The following SKOR2 variants were observed in gnomAD, a reference collection of about 807,000 sequenced individuals.
SKOR2 encodes LBX1 corepressor 1-like protein.
A neutral mutation model predicts 69.1 loss-of-function variants in SKOR2; 47 were observed. That is an observed-to-expected ratio of 0.68 (90% confidence interval 0.54 to 0.87). SKOR2 has a LOEUF of 0.87. Ranked by LOEUF, SKOR2 falls within the 40% of genes least tolerant of loss-of-function variation. The probability of loss-of-function intolerance (pLI) is 0.00; values close to 1 mark genes in which losing one functional copy is unlikely to be tolerated. For synonymous variants in SKOR2, 717 were observed against 672.6 expected, an observed-to-expected ratio of 1.07 and a Z score of -1.02; for missense variants, 1,404 against 1,472.2, an observed-to-expected ratio of 0.95 and a Z score of 0.76.
chr18:47,244,284 C>A (rs963825504), intron 4 of SKOR2, among the ~76,000 whole-genome samples: 1 of 152,128 alleles, frequency 6.6e-6, no homozygotes, highest in Non-Finnish European at 1.5e-5. Flanking sequence ...GTCAATTAAC[C>A]GTGAATAGTC....
At chr18:47,221,469 A>G (rs2064161193) in intron 6 of SKOR2, among the ~76,000 whole-genome samples, 1 of 152,200 alleles carries the variant, frequency 6.6e-6, no homozygotes, top group African/African-American at 2.4e-5. Context: ...GAGGGCACGG[A>G]GGAAATCCCC....
Position 47,248,293 on chromosome 18 carries a change from C to T in SKOR2, c.891G>A (p.Glu297=). Residue 297 remains glutamate (E), a synonymous_variant, in exon 2 of 9, where the codon GAG becomes GAA. Transcript: ENST00000425639. This position sits in a 1 kb window ranked among gnomAD's most constrained non-coding sequence, Gnocchi z 6.4. ...GATGGGCGTGCGGGGCACCAGCCAG[C>T]TCTGCCAAGGGCGGCGGTGGCGGCG... The part of the protein sequence containing the change: ...PPPPPPPPLA[E]LAGAPHAHHK... 8.3e-7 allele frequency: 1 copy of T among 1,212,102 alleles called. No individual in the cohort carries two copies. Among genetic ancestry groups the T allele is most frequent in the Non-Finnish European group, 1.0e-6 (1 of 977,862 alleles). 75.1% of individuals were successfully genotyped at this position (1,212,102 alleles called of 1,614,324 possible). A position where few individuals can be genotyped will look rare whatever the true frequency, so the allele number is the denominator to read the frequency against.
At chr18:47,237,312 C>A (rs1362612901) in intron 4 of SKOR2, among the ~76,000 whole-genome samples, 1 of 152,170 alleles carries the variant, frequency 6.6e-6, no homozygotes, top group South Asian at 2.1e-4. Context: ...CAGGAACAAA[C>A]AAAACCACAG....
At chr18:47,219,863 T>C (rs1378643712) in intron 7 of SKOR2, 80 bp downstream of exon 7, 93 of 1,277,970 alleles carry the variant, frequency 7.3e-5, no homozygotes, top group Middle Eastern at 5.5e-4. Flanking sequence ...TGCAAAAACG[T>C]GAACAGTTTC....
At chr18:47,228,623 G>C (rs1249811211) in intron 6 of SKOR2, among the ~76,000 whole-genome samples, 1 of 152,166 alleles carries the variant, frequency 6.6e-6, no homozygotes, top group Admixed American at 6.5e-5. Context: ...TCTAAAAGCA[G>C]GGACTTGCAA....
At chr18:47,218,561 G>C (rs1337106607) in intron 7 of SKOR2, among the ~76,000 whole-genome samples, 1 of 132,526 alleles carries the variant, frequency 7.5e-6, no homozygotes, top group African/African-American at 3.0e-5. Flanking sequence ...CTGCACTCCA[G>C]CCTGTGCAGC....
At chr18:47,211,424 C>T (rs1600022503) in intron 8 of SKOR2, among the ~76,000 whole-genome samples, 1 of 152,296 alleles carries the variant, frequency 6.6e-6, no homozygotes, top group East Asian at 1.9e-4. Context: ...GTGTCTTCTT[C>T]CATGGGCTGA....
Position 47,248,303 on chromosome 18 carries a change from G to A in SKOR2, c.881C>T (p.Pro294Leu). The change falls in exon 2 of 9, where the codon CCC becomes CTC. Residue 294 changes from proline (P) to leucine (L), a missense_variant. Pro to Leu is a moderately conservative substitution (Grantham distance 98). Around this residue, in one of 3 missense-constraint regions of SKOR2, gnomAD observed 1,266 missense variants for 1,309.9 expected, o/e 0.97. Coordinates refer to ENST00000425639, the MANE Select transcript of SKOR2 (RefSeq NM_001278063.4). This position sits in a 1 kb window ranked among gnomAD's most constrained non-coding sequence, Gnocchi z 6.4. The part of the protein sequence containing the change: ...APPPPPPPPP[P>L]LAELAGAPHA... ...CGGGGCACCAGCCAGCTCTGCCAAGGGCGGCGGTGGCGGCGGCGGCGGCGG... is the reference window on the plus strand; with the variant it reads ...CGGGGCACCAGCCAGCTCTGCCAAGAGCGGCGGTGGCGGCGGCGGCGGCGG... The A allele has an allele frequency of 8.3e-7, 1 of 1,206,032 alleles. No homozygotes were observed. Among genetic ancestry groups the A allele is most frequent in the East Asian group, 3.5e-5 (1 of 28,768 alleles). 74.7% of individuals were successfully genotyped at this position (1,206,032 alleles called of 1,614,324 possible).
chr18:47,219,110 C>T (rs753596228), intron 7 of SKOR2, among the ~76,000 whole-genome samples: 11 of 152,154 alleles, frequency 7.2e-5, no homozygotes, highest in Admixed American at 1.3e-4. Flanking sequence ...AAAGGTAGCA[C>T]GGATCAGTAC....
intron 2 of SKOR2, 73 bp downstream of exon 2, chr18:47,246,498 T>C (rs1265061167): frequency 2.8e-6 from 4 of 1,410,606 alleles, no homozygotes; most frequent in Non-Finnish European, 3.7e-6. Flanking sequence ...CCTGCGCATA[T>C]GTAACCGATT....
At chr18:47,222,343 G>C (rs1360054557) in intron 6 of SKOR2, among the ~76,000 whole-genome samples, 2 of 151,944 alleles carry the variant, frequency 1.3e-5, no homozygotes, top group Admixed American at 6.6e-5. Context: ...AAAATTTTTG[G>C]TGACAAAATA....
chr18:47,238,968 T>G (rs2064237298), intron 4 of SKOR2, among the ~76,000 whole-genome samples: 1 of 152,270 alleles, frequency 6.6e-6, no homozygotes, highest in African/African-American at 2.4e-5. Flanking sequence ...TATGCATGTT[T>G]AACTTCCAAA....
chr18:47,251,234 G>C (rs528526459), intron 1 of SKOR2, 140 bp downstream of exon 1: 2 of 152,356 alleles, frequency 1.3e-5, no homozygotes, highest in East Asian at 3.9e-4. Flanking sequence ...CCCCAACTTA[G>C]TTCTCCCGAC....
chr18:47,242,176 AC>A (rs1317195323), intron 4 of SKOR2, among the ~76,000 whole-genome samples: 4 of 152,128 alleles, frequency 2.6e-5, no homozygotes, highest in Non-Finnish European at 5.9e-5. Context: ...GGGAAAACAA[AC>A]CCCTCTTAAA....
chr18:47,220,423 A>G (rs2064157819), intron 6 of SKOR2, among the ~76,000 whole-genome samples: 1 of 152,138 alleles, frequency 6.6e-6, no homozygotes, highest in African/African-American at 2.4e-5. Flanking sequence ...CCTCCTGCAC[A>G]TAATACCTTC....
intron 6 of SKOR2, among the ~76,000 whole-genome samples, chr18:47,227,546 G>A (rs1291626768): frequency 6.6e-6 from 1 of 151,952 alleles, no homozygotes; most frequent in Non-Finnish European, 1.5e-5. Context: ...GGCCAGGCTG[G>A]TCTCAAACTC....
chr18:47,230,536 A>G lies in SKOR2; in HGVS notation c.2840T>C (p.Phe947Ser). Residue 947 changes from phenylalanine (F) to serine (S), a missense_variant, in exon 6 of 9, where the codon TTT becomes TCT. Physicochemically the swap from Phe to Ser is radical, Grantham distance 155. This residue lies in a region of SKOR2 where 1,266 missense variants were observed against 1,309.9 expected (regional missense o/e 0.97). Transcript: ENST00000425639. ...MGKEELQKVL[F>S]EQIDLRRRLE... ...TCGTCTCCGTAAATCTATTTGTTCA[A>G]ATAAAACCTTCTGAAGTTCTTCTAA... 7.0e-7 allele frequency: 1 copy of G among 1,433,838 alleles called. No individual in the cohort carries two copies. The highest frequency in any genetic ancestry group is 1.4e-5 in the African/African-American group (1 of 69,288). 88.8% of individuals were successfully genotyped at this position (1,433,838 alleles called of 1,614,324 possible). A position where few individuals can be genotyped will look rare whatever the true frequency, so the allele number is the denominator to read the frequency against.
chr18:47,223,392 G>C (rs532631625), intron 6 of SKOR2, among the ~76,000 whole-genome samples: 5 of 152,202 alleles, frequency 3.3e-5, no homozygotes, highest in Non-Finnish European at 7.4e-5. Context: ...CTGTTCCAAA[G>C]ATGGGAGCAG....
intron 6 of SKOR2, among the ~76,000 whole-genome samples, chr18:47,230,148 A>C (rs1423875360): frequency 6.6e-6 from 1 of 151,836 alleles, no homozygotes; most frequent in Non-Finnish European, 1.5e-5. Context: ...CTATAATCGA[A>C]CTATATCTAA....
Sources: allele counts gnomAD v4.1 joint callset (sites outside exome capture counted in the v4.1 genomes callset), GRCh38; gene constraint gnomAD v4.1.1; regional missense constraint gnomAD v4.1.1; non-coding constraint Gnocchi (gnomAD v3.1); transcripts MANE v1.5; gene names NCBI Gene and HGNC (gene_info 2026-07-23, HGNC 2026-07-21).